PCDHGA8: variants seen among roughly 807,000 people sequenced by gnomAD.
PCDHGA8 encodes the protein protocadherin gamma subfamily A, 8.
A neutral mutation model predicts 59.2 loss-of-function variants in PCDHGA8; 45 were observed. That is an observed-to-expected ratio of 0.76 (90% confidence interval 0.60 to 0.98). PCDHGA8 has a LOEUF of 0.98. PCDHGA8 is among the 50% of genes least tolerant of loss of function. The probability of loss-of-function intolerance (pLI) is 0.00; values close to 1 mark genes in which losing one functional copy is unlikely to be tolerated. For missense variants in PCDHGA8, 1,257 were observed against 1,196.2 expected, an observed-to-expected ratio of 1.05 and a Z score of -0.75; for synonymous variants, 531 against 519.0, an observed-to-expected ratio of 1.02 and a Z score of -0.32.
intron 1 of PCDHGA8, chr5:141,419,646 C>T (rs1433992932): frequency 6.2e-7 from 1 of 1,612,470 alleles, no homozygotes; most frequent in Admixed American, 1.7e-5. Flanking sequence ...GCCGTGGACG[C>T]GGACTCGGGG....
chr5:141,435,642 T>C lies in PCDHGA8; in HGVS notation c.2424+40405T>C, dbSNP rs1326178929. On this transcript the variant is annotated intron_variant, in intron 1 of 3. Coordinates refer to ENST00000398604, the MANE Select transcript of PCDHGA8 (RefSeq NM_032088.2). ...CATAACTTTTACAACTATGGGAAAA[T>C]TTCTGAAACGTGCACAGATTCCAAG... Among the ~76,000 whole-genome samples the C allele has an allele frequency of 2.0e-5, 3 of 152,156 alleles. No individual in the cohort carries two copies. The East Asian group carries it at 5.8e-4, about 29-fold the overall frequency.
chr5:141,451,606 G>A (rs2098720118), intron 1 of PCDHGA8, among the ~76,000 whole-genome samples: 1 of 152,152 alleles, frequency 6.6e-6, no homozygotes, highest in Admixed American at 6.5e-5. Flanking sequence ...ACAAGGCTAG[G>A]CATGGTGGCT....
At chr5:141,415,012 C>T (rs1451963535) in intron 1 of PCDHGA8, 2 of 1,613,644 alleles carry the variant, frequency 1.2e-6, no homozygotes, top group South Asian at 1.1e-5. Context: ...CTACCGTCTG[C>T]TCAAGGCCAG....
chr5:141,418,946 G>T (rs2096305161), intron 1 of PCDHGA8: 1 of 1,613,900 alleles, frequency 6.2e-7, no homozygotes, highest in African/African-American at 1.3e-5. Context: ...TTCCCCTCCA[G>T]GAGTGGTTGT....
intron 1 of PCDHGA8, among the ~76,000 whole-genome samples, chr5:141,438,935 G>A (rs1306603362): frequency 6.6e-6 from 1 of 151,810 alleles, no homozygotes; most frequent in African/African-American, 2.4e-5. Context: ...CAAAGTGCTG[G>A]GATTATAGGC....
At chr5:141,447,797 T>C (rs536848880) in intron 1 of PCDHGA8, among the ~76,000 whole-genome samples, 16 of 152,022 alleles carry the variant, frequency 1.1e-4, no homozygotes, top group Admixed American at 7.9e-4. Context: ...TTTAAGAAAA[T>C]AAAATTGGCT....
intron 1 of PCDHGA8, chr5:141,441,629 G>T: frequency 4.5e-6 from 1 of 224,156 alleles, no homozygotes; most frequent in Non-Finnish European, 9.0e-6. Flanking sequence ...GTGACCTGGA[G>T]CCACAGGCGC....
intron 1 of PCDHGA8, chr5:141,418,009 C>G (rs780624400): frequency 6.2e-7 from 1 of 1,613,776 alleles, no homozygotes; most frequent in African/African-American, 1.3e-5. Context: ...TGGGGAACCT[C>G]GCTAAGGATC....
Position 141,427,654 on chromosome 5 carries a change from TCCACGTGGC to T in PCDHGA8, c.2424+32419_2424+32427del, listed in dbSNP as rs562748605. On this transcript the variant is annotated intron_variant, in intron 1 of 3. Coordinates refer to ENST00000398604, the MANE Select transcript of PCDHGA8 (RefSeq NM_032088.2). ...GTTTTCCACCAAGTCTCCTACGTGG[TCCACGTGGC>T]CGAAAACAACCTTCCCGGAGCCTCC... 2.0e-4 allele frequency: 148 copies of T among 727,622 alleles called. No individual in the cohort carries two copies. The African/African-American group carries it at 2.4e-3, about 12-fold the overall frequency. The allele number at this position is 727,622 out of a possible 1,614,324, so 45.1% of individuals were successfully genotyped here.
intron 1 of PCDHGA8, among the ~76,000 whole-genome samples, chr5:141,472,815 C>T (rs1562036829): frequency 1.3e-5 from 2 of 151,596 alleles, no homozygotes; most frequent in East Asian, 1.9e-4. Flanking sequence ...GAGAAACCCC[C>T]GTCTCTACTA....
chr5:141,415,121 C>T (rs2095831464), intron 1 of PCDHGA8: 1 of 1,613,522 alleles, frequency 6.2e-7, no homozygotes, highest in South Asian at 1.1e-5. Context: ...CTCGTAGTGG[C>T]CGTCCAGGAC....
At chr5:141,405,632 G>A (rs1487962714) in intron 1 of PCDHGA8, 9 of 530,162 alleles carry the variant, frequency 1.7e-5, no homozygotes, top group African/African-American at 1.2e-4. Flanking sequence ...GTGCCACCAC[G>A]CCCGGCTAAT....
At chr5:141,401,669 T>A (rs2094181201) in intron 1 of PCDHGA8, among the ~76,000 whole-genome samples, 1 of 152,234 alleles carries the variant, frequency 6.6e-6, no homozygotes, top group Admixed American at 6.5e-5. Context: ...TTTCTCAACA[T>A]CCTTGTAGGA....
At chr5:141,442,708 A>C (rs2098338740) in intron 1 of PCDHGA8, among the ~76,000 whole-genome samples, 2 of 152,254 alleles carry the variant, frequency 1.3e-5, no homozygotes, top group Non-Finnish European at 2.9e-5. Context: ...AGTATCAGAC[A>C]TGCCAGAGCA....
intron 1 of PCDHGA8, among the ~76,000 whole-genome samples, chr5:141,455,570 A>T (rs181469693): frequency 2.6e-5 from 4 of 152,222 alleles, no homozygotes; most frequent in Non-Finnish European, 5.9e-5. Context: ...TGGCCCTCCC[A>T]CCCCAGCCTT....
Position 141,477,917 on chromosome 5 carries a change from G to C in PCDHGA8, c.2425-16890G>C. 6.2e-7 allele frequency: 1 copy of C among 1,614,186 alleles called. No individual in the cohort carries two copies. The highest frequency in any genetic ancestry group is 2.2e-5 in the East Asian group (1 of 44,868). On this transcript the variant is annotated intron_variant, in intron 1 of 3. Transcript: ENST00000398604. The surrounding 1 kb of genome is among the most constrained non-coding windows in gnomAD (Gnocchi z 4.9). ...GGTGGTAGGCTGGGACGCGGATGCA[G>C]GGCACAATGCCTGGCTCTCCTACAG...
chr5:141,509,115 G>C (rs1480955058), intron 3 of PCDHGA8, among the ~76,000 whole-genome samples: 1 of 152,186 alleles, frequency 6.6e-6, no homozygotes, highest in Non-Finnish European at 1.5e-5. Flanking sequence ...GAGCGCTGGT[G>C]CGTGAAGAGA....
intron 1 of PCDHGA8, chr5:141,399,845 T>G: frequency 6.2e-7 from 1 of 1,612,982 alleles, no homozygotes; most frequent in Non-Finnish European, 8.5e-7. Context: ...CTCTTCGATA[T>G]GGTGCCGCGC....
intron 1 of PCDHGA8, chr5:141,478,174 G>GA (rs1156842877): frequency 3.7e-6 from 6 of 1,613,692 alleles, no homozygotes; most frequent in South Asian, 1.1e-5. Context: ...CCCGGGAGCA[G>GA]AAAAAAAATC....
Sources: gnomAD v4.1 joint callset for allele counts (sites outside exome capture counted in the v4.1 genomes callset) on GRCh38, gnomAD v4.1.1 for gene constraint, Gnocchi (gnomAD v3.1) non-coding constraint, MANE v1.5 for transcripts, NCBI Gene and HGNC (gene_info 2026-07-23, HGNC 2026-07-21) for gene names.